ENTPD1: variants seen among roughly 807,000 people sequenced by gnomAD.
The protein encoded by ENTPD1 is ATP diphosphohydrolase.
Under a neutral mutation model 57.0 loss-of-function variants are expected in ENTPD1, and 33 were observed. The ratio of observed to expected loss-of-function variants is 0.58; its 90% CI spans 0.44 to 0.77. The LOEUF (loss-of-function observed/expected upper bound fraction) is 0.77. Among genes scored for constraint, ENTPD1 ranks in the 30% least tolerant of loss-of-function variants. The probability of loss-of-function intolerance (pLI) is 0.00; values close to 1 mark genes in which losing one functional copy is unlikely to be tolerated. For synonymous variants in ENTPD1, 202 were observed against 218.8 expected, an observed-to-expected ratio of 0.92 and a Z score of 0.68; for missense variants, 501 against 603.4, an observed-to-expected ratio of 0.83 and a Z score of 1.78.
rs781443401 is a variant in ENTPD1, at chr10:95,864,739, G to C, written c.1204G>C (p.Ala402Pro). ...TCACTTCTAGATAAAAACATCTTAC[G>C]CTGGAGTAAAGGAGAAGTACCTGAG... Reference protein sequence around the residue: ...QPWEEIKTSYAGVKEKYLSEY... With the variant: ...QPWEEIKTSYPGVKEKYLSEY... The change falls in exon 9 of 10, where the codon GCT becomes CCT. Residue 402 changes from alanine (A) to proline (P), a missense_variant. Coordinates refer to ENST00000371205, the MANE Select transcript of ENTPD1 (RefSeq NM_001776.6). 6.2e-7 allele frequency: 1 copy of C among 1,613,940 alleles called. No individual in the cohort carries two copies. Among genetic ancestry groups the C allele is most frequent in the African/African-American group, 1.3e-5 (1 of 74,898 alleles).
At chr10:95,729,856 A>G (rs927017461) in intron 1 of ENTPD1, among the ~76,000 whole-genome samples, 2 of 152,236 alleles carry the variant, frequency 1.3e-5, no homozygotes, top group Non-Finnish European at 2.9e-5. Context: ...AGACAATAAC[A>G]GCGAGATAGC....
chr10:95,756,014 T>C, upstream of ENTPD1: 3 of 1,464,508 alleles, frequency 2.0e-6, 1 homozygote, highest in South Asian at 4.5e-5. Flanking sequence ...TTTAGGAAAA[T>C]GAGCTGCTGG....
intron 1 of ENTPD1, among the ~76,000 whole-genome samples, chr10:95,725,752 C>G (rs1276902019): frequency 6.6e-6 from 1 of 152,204 alleles, no homozygotes; most frequent in Non-Finnish European, 1.5e-5. Context: ...TCTCAAATCT[C>G]TGGCTTTCAC....
intron 1 of ENTPD1, among the ~76,000 whole-genome samples, chr10:95,819,974 T>C (rs1036729791): frequency 6.6e-6 from 1 of 152,210 alleles, no homozygotes; most frequent in Non-Finnish European, 1.5e-5. Flanking sequence ...GAATTTTCCA[T>C]AATAGAGCTT....
chr10:95,807,306 C>T (rs2098277254), intron 1 of ENTPD1, among the ~76,000 whole-genome samples: 1 of 152,368 alleles, frequency 6.6e-6, no homozygotes, highest in African/African-American at 2.4e-5. Flanking sequence ...GGGTGTGTGA[C>T]CCGCCAAGCC....
intron 8 of ENTPD1, among the ~76,000 whole-genome samples, chr10:95,860,977 C>T (rs892876563): frequency 4.6e-5 from 7 of 152,220 alleles, no homozygotes; most frequent in Admixed American, 3.3e-4. Context: ...GAACCAGATA[C>T]ATCTGTTCCT....
At position 95,866,300 on chromosome 10, in the gene ENTPD1, T is replaced by C; in HGVS notation, c.1450T>C (p.Phe484Leu). The change falls in exon 10 of 10, where the codon TTC becomes CTC. Residue 484 changes from phenylalanine to leucine, a missense_variant. Transcript: ENST00000371205. ...CACCTATGTCTTCCTCATGGTTCTA[T>C]TCTCCCTGGTCCTTTTCACAGTGGC... The part of the protein sequence containing the change: ...HSTYVFLMVL[F>L]SLVLFTVAII... 2 of 1,614,212 alleles carry C rather than the reference T, an allele frequency of 1.2e-6. No individual in the cohort carries two copies. The highest frequency in any genetic ancestry group is 2.2e-5 in the East Asian group (1 of 44,882).
In ENTPD1 at chr10:95,873,138, A is replaced by C; in HGVS notation, c.*6755A>C. 1.0e-6 allele frequency: 1 copy of C among 982,942 alleles called. No individual in the cohort carries two copies. The highest frequency in any genetic ancestry group is 4.7e-5 in the South Asian group (1 of 21,232). 60.9% of individuals were successfully genotyped at this position (982,942 alleles called of 1,614,324 possible). ...ACATTTCCAACAAGCTGCCAGGTAAAGCCAATACATCTGTCCAGGAATCAC... is the reference window on the plus strand; with the variant it reads ...ACATTTCCAACAAGCTGCCAGGTAACGCCAATACATCTGTCCAGGAATCAC... On this transcript the variant is annotated 3_prime_UTR_variant, in exon 10 of 10. Coordinates refer to ENST00000371205, the MANE Select transcript of ENTPD1 (RefSeq NM_001776.6).
At chr10:95,798,877 G>C (rs925279721) in intron 1 of ENTPD1, among the ~76,000 whole-genome samples, 4 of 152,172 alleles carry the variant, frequency 2.6e-5, no homozygotes, top group Admixed American at 6.5e-5. Context: ...CCTTCCTTCT[G>C]TGGCTGCACC....
Position 95,871,906 on chromosome 10 carries a change from A to C in ENTPD1, c.*5523A>C, listed in dbSNP as rs2141028697. The C allele has an allele frequency of 1.0e-6, 1 of 985,410 alleles. No homozygotes were observed. Among genetic ancestry groups the C allele is most frequent in the Non-Finnish European group, 1.2e-6 (1 of 829,926 alleles). 61.0% of individuals were successfully genotyped at this position (985,410 alleles called of 1,614,324 possible). ...AGTTCTAAGAAGAGAGGGAAGAAAA[A>C]GTCTTGGGAGCTAGTCAGGGAATAG... On this transcript the variant is annotated 3_prime_UTR_variant, in exon 10 of 10. Coordinates refer to ENST00000371205, the MANE Select transcript of ENTPD1 (RefSeq NM_001776.6).
At chr10:95,724,834 C>G (rs1016810833) in intron 1 of ENTPD1, among the ~76,000 whole-genome samples, 2 of 152,208 alleles carry the variant, frequency 1.3e-5, no homozygotes, top group Non-Finnish European at 2.9e-5. Flanking sequence ...GAAAACAGAG[C>G]TCCCATAAAA....
At chr10:95,722,308 T>G (rs540189158) in intron 1 of ENTPD1, among the ~76,000 whole-genome samples, 8 of 151,736 alleles carry the variant, frequency 5.3e-5, no homozygotes, top group Non-Finnish European at 1.2e-4. Context: ...TTTATTATTA[T>G]TATACTTTAA....
chr10:95,864,082 C>A (rs1269691200), intron 8 of ENTPD1, among the ~76,000 whole-genome samples: 3 of 152,150 alleles, frequency 2.0e-5, no homozygotes, highest in Admixed American at 6.5e-5. Flanking sequence ...AAGGAAACAA[C>A]CACTTTGCAT....
chr10:95,738,515 G>A (rs1258896162), intron 1 of ENTPD1, among the ~76,000 whole-genome samples: 1 of 152,188 alleles, frequency 6.6e-6, no homozygotes, highest in Non-Finnish European at 1.5e-5. Flanking sequence ...ATAGTGGGCA[G>A]TCAGCAGGGA....
intron 1 of ENTPD1, among the ~76,000 whole-genome samples, chr10:95,818,841 T>C (rs931604746): frequency 4.6e-5 from 7 of 152,342 alleles, no homozygotes; most frequent in Non-Finnish European, 7.4e-5. Context: ...CATTAGGCTA[T>C]GTAAACACAG....
chr10:95,816,891 C>T (rs140399261), intron 1 of ENTPD1, among the ~76,000 whole-genome samples: 4 of 152,280 alleles, frequency 2.6e-5, no homozygotes, highest in African/African-American at 9.6e-5. Context: ...TTGATGGCTG[C>T]ATTTAAAGTG....
chr10:95,733,764 A>G (rs779881324), intron 1 of ENTPD1, among the ~76,000 whole-genome samples: 3 of 152,194 alleles, frequency 2.0e-5, no homozygotes, highest in Non-Finnish European at 2.9e-5. Flanking sequence ...TGTGGGAAGA[A>G]ATGATAACAT....
intron 1 of ENTPD1, among the ~76,000 whole-genome samples, chr10:95,775,165 G>A (rs556814538): frequency 7.9e-5 from 12 of 152,214 alleles, no homozygotes; most frequent in African/African-American, 2.2e-4. Flanking sequence ...TGTGATTTTC[G>A]CATATTAATT....
At chr10:95,710,488 A>G (rs1448372350), upstream of ENTPD1, among the ~76,000 whole-genome samples, 2 of 150,376 alleles carry the variant, frequency 1.3e-5, no homozygotes, top group Non-Finnish European at 1.5e-5. Flanking sequence ...TATCTAAGTA[A>G]GTTGAATAAA....
Sources: allele counts gnomAD v4.1 joint callset (sites outside exome capture counted in the v4.1 genomes callset), GRCh38; gene constraint gnomAD v4.1.1; transcripts MANE v1.5; gene names NCBI Gene and HGNC (gene_info 2026-07-23, HGNC 2026-07-21).